The following HDGFL2 variants were observed in gnomAD, a reference collection of about 807,000 sequenced individuals.
HDGFL2 encodes the protein hepatoma-derived growth factor-related protein 2.
In HDGFL2, 36 loss-of-function variants were observed where a neutral mutation model predicts 77.1. The ratio of observed to expected loss-of-function variants is 0.47; its 90% confidence interval spans 0.36 to 0.62. The LOEUF (loss-of-function observed/expected upper bound fraction) is 0.62, where lower values mean the gene tolerates loss of function less well. Among genes scored for constraint, HDGFL2 ranks in the 20% least tolerant of loss-of-function variants. The pLI is 0.00. For synonymous variants in HDGFL2, 463 were observed against 413.1 expected (o/e 1.12, Z -1.46); for missense variants, 976 against 973.4 (o/e 1.00, Z -0.04).
In HDGFL2 at chr19:4,494,001, G is replaced by A. The variant is rs941490679; in HGVS notation, c.858G>A (p.Lys286=). Residue 286 remains lysine (K), a synonymous_variant, in exon 8 of 16, where the codon AAG becomes AAA. Transcript: ENST00000616600. ...GRKPAEKPLP[K]PRGRKPKPER... is the part of the protein sequence containing the mutation. Reference sequence around the variant, plus strand: ...CTGTAGCGGAGAAGCCTCTCCCGAAGCCGCGAGGGCGGAAACCGAAGCCTG... The same window carrying A: ...CTGTAGCGGAGAAGCCTCTCCCGAAACCGCGAGGGCGGAAACCGAAGCCTG... 4.3e-6 allele frequency: 7 copies of A among 1,611,208 alleles called. No individual in the cohort carries two copies. Among genetic ancestry groups the A allele is most frequent in the African/African-American group, 2.7e-5 (2 of 74,900 alleles).
At chr19:4,489,255 CTTTCT>C (rs1568210862) in intron 4 of HDGFL2, among the ~76,000 whole-genome samples, 1 of 95,180 alleles carries the variant, frequency 1.1e-5, no homozygotes, top group African/African-American at 4.7e-5. Context: ...GCCTGGCCAC[CTTTCT>C]TTTTTTTTTT....
chr19:4,497,810 C>T (rs1975746579), intron 10 of HDGFL2, 148 bp from the exon 11 acceptor site: 4 of 674,718 alleles, frequency 5.9e-6, no homozygotes, highest in African/African-American at 1.8e-5. Flanking sequence ...TGTGGCAGGG[C>T]CTCCCCGCCT....
chr19:4,475,288 C>A lies in HDGFL2; in HGVS notation c.86C>A (p.Ala29Glu), dbSNP rs771724507. The part of the protein sequence containing the change: ...PHWPARIDDI[A>E]DGAVKPPPNK... ...CTCTCACTGCAGATCGACGACATCG[C>A]GGATGGCGCCGTGAAGCCCCCACCC... is the stretch of plus-strand genomic sequence containing the variant. Residue 29 changes from alanine to glutamate, a missense_variant, in exon 2 of 16, where the codon GCG becomes GAG. Around this residue, in one of 5 missense-constraint regions of HDGFL2, gnomAD observed 103 missense variants for 145.7 expected, o/e 0.71. Transcript: ENST00000616600. 4.3e-6 allele frequency: 7 copies of A among 1,614,052 alleles called. No homozygotes were observed. The highest frequency in any genetic ancestry group is 5.9e-6 in the Non-Finnish European group (7 of 1,179,978).
Position 4,491,832 on chromosome 19 carries a change from AAAG to A in HDGFL2, c.676_678del (p.Lys227del), listed in dbSNP as rs1339873267. 1 of 1,613,708 alleles carries A rather than the reference AAAG, an allele frequency of 6.2e-7. No individual in the cohort carries two copies. Among genetic ancestry groups the A allele is most frequent in the Non-Finnish European group, 8.5e-7 (1 of 1,179,778 alleles). Reference sequence around the variant, plus strand: ...GGGGCCCTCTGGGGGGACGGAAAAAAAAGGTAGCGTGCACTTGACTTTGTTTCC... The same window carrying A: ...GGGGCCCTCTGGGGGGACGGAAAAAAGTAGCGTGCACTTGACTTTGTTTCC... On this transcript the variant is annotated inframe_deletion and splice_region_variant, in exon 6 of 16. Transcript: ENST00000616600.
Position 4,498,309 on chromosome 19 carries a change from C to G in HDGFL2, c.1406C>G (p.Pro469Arg). 6.2e-7 allele frequency: 1 copy of G among 1,613,294 alleles called. No individual in the cohort carries two copies. Among genetic ancestry groups the G allele is most frequent in the Non-Finnish European group, 8.5e-7 (1 of 1,179,816 alleles). Residue 469 changes from proline to arginine, a missense_variant, in exon 12 of 16, where the codon CCC becomes CGC. Physicochemically the swap from Pro to Arg is moderately radical, Grantham distance 103 (BLOSUM62 -2). Transcript: ENST00000616600. ...GGTGCTCTCTCTCCTGGCCCAGAGC[C>G]CTCCGTGGAGGAGAAGCTGCAGAAG... ...MDRKVEKKKEPSVEEKLQKLH... is the reference protein window; with the variant it reads ...MDRKVEKKKERSVEEKLQKLH...
Position 4,496,497 on chromosome 19 carries a change from G to C in HDGFL2, c.1328+92G>C, listed in dbSNP as rs998218020. The C allele has an allele frequency of 5.2e-6, 5 of 968,170 alleles. No homozygotes were observed. In the African/African-American group the frequency reaches 6.5e-5, roughly 13 times the overall value. 60.0% of individuals were successfully genotyped at this position (968,170 alleles called of 1,614,324 possible). On this transcript the variant is annotated intron_variant, in intron 10 of 15. Transcript: ENST00000616600. Reference sequence around the variant, plus strand: ...CCCTCACAGGGGCAGCCCCACCTCTGAGTTCAGCCTTGGAGCCGGACCCGG... The same window carrying C: ...CCCTCACAGGGGCAGCCCCACCTCTCAGTTCAGCCTTGGAGCCGGACCCGG...
chr19:4,481,407 G>A (rs999187179), intron 3 of HDGFL2, among the ~76,000 whole-genome samples: 1 of 152,056 alleles, frequency 6.6e-6, no homozygotes, highest in Non-Finnish European at 1.5e-5. Flanking sequence ...AGCCAGGATG[G>A]TCTCGATCTC....
At chr19:4,489,103 G>C (rs531028611) in intron 4 of HDGFL2, among the ~76,000 whole-genome samples, 34 of 150,240 alleles carry the variant, frequency 2.3e-4, no homozygotes, top group Non-Finnish European at 7.4e-5. Context: ...ACAGGCACCT[G>C]CCACCGCACT....
At chr19:4,484,088 C>CTTTTT (rs577665698) in intron 3 of HDGFL2, among the ~76,000 whole-genome samples, 2 of 122,684 alleles carry the variant, frequency 1.6e-5, no homozygotes, top group African/African-American at 3.2e-5. Context: ...TGCACCCGGC[C>CTTTTT]TTTTTTTTTT....
rs1975927583 is a variant in HDGFL2, at chr19:4,502,173, A to G, written c.*163A>G. ...CTAATTTCTGTGATTTCCAACCAAC[A>G]TGAAATGACTATAAATGGTTTTTTA... On this transcript the variant is annotated 3_prime_UTR_variant, in exon 16 of 16. Transcript: ENST00000616600. 2 of 685,356 alleles carry G rather than the reference A, an allele frequency of 2.9e-6. No homozygotes were observed. The allele number at this position is 685,356 out of a possible 1,614,324, so 42.5% of individuals were successfully genotyped here. A position where few individuals can be genotyped will look rare whatever the true frequency, so the allele number is the denominator to read the frequency against.
chr19:4,486,076 A>C (rs769929783), intron 3 of HDGFL2, among the ~76,000 whole-genome samples: 197 of 150,142 alleles, frequency 1.3e-3, no homozygotes, highest in Middle Eastern at 3.4e-3. Flanking sequence ...AAAAAACAAC[A>C]ACCACGAAAA....
intron 6 of HDGFL2, among the ~76,000 whole-genome samples, chr19:4,493,142 T>C (rs1297678087): frequency 7.4e-6 from 1 of 135,310 alleles, no homozygotes; most frequent in African/African-American, 2.8e-5. Context: ...GTGTTATCTG[T>C]GTCTGTGTGG....
At chr19:4,480,897 C>G (rs1975195389) in intron 3 of HDGFL2, among the ~76,000 whole-genome samples, 1 of 151,898 alleles carries the variant, frequency 6.6e-6, no homozygotes, top group African/African-American at 2.4e-5. Flanking sequence ...CACTCTGTTG[C>G]CCAGGCTGGA....
rs1975895175 is a variant in HDGFL2 at position 4,501,759 on chromosome 19, T to C, written c.1917-152T>C. 1.2e-5 allele frequency: 7 copies of C among 576,858 alleles called. No individual in the cohort carries two copies. The East Asian group carries it at 1.9e-4, about 16-fold the overall frequency. 35.7% of individuals were successfully genotyped at this position (576,858 alleles called of 1,614,324 possible). ...GGACCCTGGAGATGGTTGTGGTCTC[T>C]AGTGGCAGAAGACAGGCAGATAGGA... On this transcript the variant is annotated intron_variant, in intron 15 of 15. Transcript: ENST00000616600.
At chr19:4,486,550 G>A (rs890808549) in intron 3 of HDGFL2, among the ~76,000 whole-genome samples, 8 of 149,744 alleles carry the variant, frequency 5.3e-5, no homozygotes, top group African/African-American at 1.7e-4. Context: ...AGGAAAAATC[G>A]CAATCTCTGC....
intron 9 of HDGFL2, among the ~76,000 whole-genome samples, chr19:4,495,504 G>C (rs945794291): frequency 1.3e-5 from 2 of 152,068 alleles, no homozygotes; most frequent in African/African-American, 4.8e-5. Flanking sequence ...CCAGAGGACT[G>C]CGCCTGGCGT....
chr19:4,492,249 G>A (rs556764436), intron 6 of HDGFL2, among the ~76,000 whole-genome samples: 6 of 152,130 alleles, frequency 3.9e-5, no homozygotes, highest in African/African-American at 1.4e-4. Flanking sequence ...TTGTGTGTAT[G>A]CATGTTTGTG....
chr19:4,485,891 A>AAAAAAAAAAAAT lies in HDGFL2; in HGVS notation c.289-2783_289-2782insAAAAAAAAATAA, dbSNP rs1391822409. 1.3e-3 allele frequency among the ~76,000 whole-genome samples: 190 copies of AAAAAAAAAAAAT among 149,670 alleles called. 4 individuals carry two copies. The East Asian group carries it at 0.03, about 24-fold the overall frequency. The stretch of plus-strand genomic sequence containing the variant: ...GTGAAACCCCATGTCTACAAAAAAA[A>AAAAAAAAAAAAT]AATACAAAAACGTTAGCCAGGTGTG... On this transcript the variant is annotated intron_variant, in intron 3 of 15. Transcript: ENST00000616600.
At chr19:4,487,070 A>G (rs1975381546) in intron 3 of HDGFL2, among the ~76,000 whole-genome samples, 1 of 151,704 alleles carries the variant, frequency 6.6e-6, no homozygotes, top group Non-Finnish European at 1.5e-5. Flanking sequence ...GGTTCAAGCA[A>G]TTCTCTGCCT....
Sources: gnomAD v4.1 joint callset for allele counts (sites outside exome capture counted in the v4.1 genomes callset) on GRCh38, gnomAD v4.1.1 for gene constraint, gnomAD v4.1.1 regional missense constraint, MANE v1.5 for transcripts, NCBI Gene and HGNC (gene_info 2026-07-23, HGNC 2026-07-21) for gene names.